Variants in SLC24A5 observed in about 807,000 individuals in gnomAD.
The protein encoded by SLC24A5 is sodium/potassium/calcium exchanger 5.
In SLC24A5, 46 loss-of-function variants were observed where a neutral mutation model predicts 51.6. The observed-to-expected ratio is 0.89, with a 90% CI of 0.70 to 1.14. The LOEUF (loss-of-function observed/expected upper bound fraction) is 1.14. Ranked by LOEUF, SLC24A5 falls within the 50% of genes most tolerant of loss-of-function variation. The pLI is 0.00. For missense variants in SLC24A5, 581 were observed against 604.1 expected (o/e 0.96, Z 0.40); for synonymous variants, 230 against 214.9 (o/e 1.07, Z -0.62).
At chr15:48,137,754 T>G in intron 6 of SLC24A5, 1 of 152,048 alleles carries the variant, frequency 6.6e-6, no homozygotes, top group East Asian at 1.9e-4. Flanking sequence ...GAACAGCACT[T>G]ATTAAAACTG....
intron 2 of SLC24A5, 25 bp from the exon 3 acceptor site, chr15:48,134,233 T>C: frequency 6.3e-7 from 1 of 1,597,884 alleles, no homozygotes; most frequent in Non-Finnish European, 8.6e-7. Flanking sequence ...TTATTAGGCA[T>C]AACAATCATT....
chr15:48,133,450 A>T (rs1285750383), intron 2 of SLC24A5, among the ~76,000 whole-genome samples: 1 of 152,068 alleles, frequency 6.6e-6, no homozygotes. Flanking sequence ...AGTGACTCTC[A>T]TCTTGTCAGT....
intron 2 of SLC24A5, among the ~76,000 whole-genome samples, chr15:48,129,459 A>C (rs2038766987): frequency 6.6e-6 from 1 of 152,158 alleles, no homozygotes; most frequent in Non-Finnish European, 1.5e-5. Flanking sequence ...CACCATGGTC[A>C]CTAGAGTTGG....
Position 48,120,993 on chromosome 15 carries a change from C to A in SLC24A5, c.-52C>A, listed in dbSNP as rs1342540641. ...GACTCCTCACATGATCCAGTTTAAT[C>A]CTCCTCTTCTCCCTTCCTGAAGCTG... On this transcript the variant is annotated 5_prime_UTR_variant, in exon 1 of 9. Transcript: ENST00000341459. The A allele has an allele frequency of 2.5e-6, 4 of 1,587,778 alleles. No homozygotes were observed. Among genetic ancestry groups the A allele is most frequent in the South Asian group, 2.3e-5 (2 of 85,958 alleles).
At chr15:48,132,593 C>T (rs907371946) in intron 2 of SLC24A5, among the ~76,000 whole-genome samples, 5 of 152,184 alleles carry the variant, frequency 3.3e-5, no homozygotes, top group Admixed American at 6.6e-5. Context: ...ATTACTTTCA[C>T]GGTTTTGGGT....
At chr15:48,138,762 C>G in intron 6 of SLC24A5, 1 of 516,010 alleles carries the variant, frequency 1.9e-6, no homozygotes, top group Middle Eastern at 5.3e-4. Context: ...TAAAGAAATG[C>G]GGAGTATCAC....
chr15:48,136,652 T>C, intron 5 of SLC24A5, 31 bp from the exon 6 acceptor site: 1 of 1,563,284 alleles, frequency 6.4e-7, no homozygotes, highest in South Asian at 1.2e-5. Context: ...CTTTCACTTT[T>C]AATTTAAAAA....
chr15:48,124,981 T>C (rs1198963580), intron 2 of SLC24A5, among the ~76,000 whole-genome samples: 4 of 152,186 alleles, frequency 2.6e-5, no homozygotes, highest in African/African-American at 4.8e-5. Context: ...TTTCAAGTTC[T>C]AGCATGGTCT....
intron 6 of SLC24A5, 21 bp downstream of exon 6, chr15:48,136,984 A>C (rs1450086095): frequency 6.3e-7 from 1 of 1,594,656 alleles, no homozygotes; most frequent in Non-Finnish European, 8.6e-7. Context: ...AATCTTGCCC[A>C]TTATTAAGTC....
In SLC24A5 at chr15:48,139,054, T is replaced by C. The variant is rs144331959; in HGVS notation, c.957T>C (p.Phe319=). The C allele has an allele frequency of 2.5e-6, 4 of 1,613,028 alleles. No homozygotes were observed. In the African/African-American group the frequency reaches 5.3e-5, roughly 22 times the overall value. ...VLSLPIITLL[F]LTTPDCRKKF... is the part of the protein sequence containing the mutation. ...CCCTTCCTATTATTACATTACTTTT[T>C]CTAACCACACCAGATTGTAGAAAAA... Residue 319 remains phenylalanine, a synonymous_variant, in exon 7 of 9, where the codon TTT becomes TTC. Coordinates refer to ENST00000341459, the MANE Select transcript of SLC24A5 (RefSeq NM_205850.3).
At chr15:48,141,725 T>G (rs1679932365) in intron 8 of SLC24A5, 2 of 198,166 alleles carry the variant, frequency 1.0e-5, no homozygotes, top group Non-Finnish European at 2.0e-5. Flanking sequence ...AATATTCATT[T>G]GAAATGTGTG....
At chr15:48,121,216 GCTA>G in intron 1 of SLC24A5, 51 bp downstream of exon 1, 1 of 1,546,556 alleles carries the variant, frequency 6.5e-7, no homozygotes, top group Non-Finnish European at 8.7e-7. Context: ...TGCTGCTGCT[GCTA>G]CCACATACAG....
intron 8 of SLC24A5, chr15:48,141,415 A>G: frequency 2.8e-6 from 1 of 354,922 alleles, no homozygotes; most frequent in South Asian, 3.1e-5. Context: ...AGTCTCTACT[A>G]AAAATACAAA....
chr15:48,134,320 G>C lies in SLC24A5; in HGVS notation c.364G>C (p.Glu122Gln). 6.2e-7 allele frequency: 1 copy of C among 1,613,570 alleles called. No homozygotes were observed. The highest frequency in any genetic ancestry group is 1.1e-5 in the South Asian group (1 of 91,060). ...CATGGCAGCGGGCAGTTCAGCTCCT[G>C]AATTAGTTACTGCTTTCCTAGGTAA... ...TFMAAGSSAPELVTAFLGVFI... is the reference protein window; with the variant it reads ...TFMAAGSSAPQLVTAFLGVFI... The change falls in exon 3 of 9, where the codon GAA becomes CAA. Residue 122 changes from glutamate to glutamine, a missense_variant. Physicochemically the swap from Glu to Gln is conservative, Grantham distance 29. Transcript: ENST00000341459.
Position 48,141,198 on chromosome 15 carries a change from G to A in SLC24A5, c.1164G>A (p.Val388=), listed in dbSNP as rs754094053. ...GTSIPDTIAS[V]LVARKGKGDM... ...GCATACCAGACACAATTGCAAGTGTGTTGGTTGCAAGAAAAGGTAAGAACT... is the reference window on the plus strand; with the variant it reads ...GCATACCAGACACAATTGCAAGTGTATTGGTTGCAAGAAAAGGTAAGAACT... The change falls in exon 8 of 9, where the codon GTG becomes GTA. Residue 388 remains valine, a synonymous_variant. Coordinates refer to ENST00000341459, the MANE Select transcript of SLC24A5 (RefSeq NM_205850.3). 19 of 1,613,434 alleles carry A rather than the reference G, an allele frequency of 1.2e-5. No homozygotes were observed. The highest frequency in any genetic ancestry group is 1.6e-5 in the Non-Finnish European group (19 of 1,179,418).
Position 48,134,459 on chromosome 15 carries a change from T to C in SLC24A5, c.410T>C (p.Ile137Thr), listed in dbSNP as rs747579135. Residue 137 changes from isoleucine to threonine, a missense_variant, in exon 4 of 9, where the codon ATT becomes ACT. Transcript: ENST00000341459. ...FLGVFITKGD[I>T]GISTILGSAI... ...GGTGTATTTATCACAAAGGGAGATATTGGCATTAGCACCATCCTTGGATCT... is the reference window on the plus strand; with the variant it reads ...GGTGTATTTATCACAAAGGGAGATACTGGCATTAGCACCATCCTTGGATCT... 2.4e-5 allele frequency: 38 copies of C among 1,613,448 alleles called. No individual in the cohort carries two copies. Among genetic ancestry groups the C allele is most frequent in the Admixed American group, 1.2e-4 (7 of 59,968 alleles).
chr15:48,136,912 G>C lies in SLC24A5; in HGVS notation c.820G>C (p.Gly274Arg). Residue 274 changes from glycine (G) to arginine (R), a missense_variant, in exon 6 of 9, where the codon GGC becomes CGC. Gly to Arg is a moderately radical substitution (Grantham distance 125). Coordinates refer to ENST00000341459, the MANE Select transcript of SLC24A5 (RefSeq NM_205850.3). ...TDSGIFYEDS[G>R]YSQLSISLHG... ...TAGTGGAATATTTTATGAAGATTCT[G>C]GCTACTCTCAGCTCTCTATAAGTTT... The C allele has an allele frequency of 6.2e-7, 1 of 1,613,710 alleles. No homozygotes were observed. The highest frequency in any genetic ancestry group is 8.5e-7 in the Non-Finnish European group (1 of 1,179,760).
chr15:48,124,181 T>A (rs966372359), intron 2 of SLC24A5: 2 of 152,140 alleles, frequency 1.3e-5, no homozygotes, highest in African/African-American at 4.8e-5. Context: ...TTTGGTTTTA[T>A]AACTAGAAAG....
chr15:48,138,966 C>A lies in SLC24A5; in HGVS notation c.872-3C>A. ...TCAAAAGTGTTTACTTTTTCCACAA[C>A]AGATCCACCAAGTGTTTTCAACATG... On this transcript the variant is annotated splice_polypyrimidine_tract_variant and splice_region_variant and intron_variant, in intron 6 of 8. Coordinates refer to ENST00000341459, the MANE Select transcript of SLC24A5 (RefSeq NM_205850.3). The A allele has an allele frequency of 6.2e-7, 1 of 1,608,110 alleles. No homozygotes were observed. The highest frequency in any genetic ancestry group is 8.5e-7 in the Non-Finnish European group (1 of 1,177,132).
Sources: gnomAD v4.1 joint callset for allele counts (sites outside exome capture counted in the v4.1 genomes callset) on GRCh38, gnomAD v4.1.1 for gene constraint, MANE v1.5 for transcripts, NCBI Gene and HGNC (gene_info 2026-07-23, HGNC 2026-07-21) for gene names.